The following MCTP2 variants were observed in gnomAD, a reference collection of about 807,000 sequenced individuals.
MCTP2 encodes the protein multiple C2 and transmembrane domain containing 2, also known as multiple C2 and transmembrane domain-containing protein 2.
MCTP2 carries 132 observed loss-of-function variants against 111.6 expected under a neutral mutation model. That is an observed-to-expected ratio of 1.18 (90% confidence interval 1.03 to 1.37). MCTP2 has a LOEUF of 1.37. MCTP2 is among the 40% of genes most tolerant of loss of function. MCTP2 has a pLI of 0.00. For synonymous variants in MCTP2, 395 were observed against 387.7 expected (o/e 1.02, Z -0.22); for missense variants, 1,183 against 1,067.9 (o/e 1.11, Z -1.50).
intron 10 of MCTP2, 124 bp downstream of exon 10, chr15:94,358,736 G>A (rs1017076285): frequency 1.7e-6 from 2 of 1,160,428 alleles, no homozygotes; most frequent in African/African-American, 1.6e-5. Context: ...AGTGCCATCA[G>A]TGAGCTGGAT....
chr15:94,350,404 A>G (rs2078241305), intron 8 of MCTP2, among the ~76,000 whole-genome samples: 1 of 152,228 alleles, frequency 6.6e-6, no homozygotes, highest in Non-Finnish European at 1.5e-5. Flanking sequence ...CCTCGCCAAC[A>G]TGGTGAAACC....
intron 2 of MCTP2, among the ~76,000 whole-genome samples, chr15:94,314,049 C>T (rs777477665): frequency 1.7e-4 from 26 of 152,152 alleles, no homozygotes; most frequent in Non-Finnish European, 3.1e-4. Flanking sequence ...TGCCATGTGG[C>T]CCAGCAGGGG....
intron 20 of MCTP2, among the ~76,000 whole-genome samples, chr15:94,467,425 T>TATATC (rs2073463460): frequency 3.7e-5 from 1 of 27,380 alleles, no homozygotes; most frequent in Admixed American, 3.2e-4. Context: ...TTTATTATAA[T>TATATC]AATCAAATAT....
intron 4 of MCTP2, among the ~76,000 whole-genome samples, chr15:94,320,125 AG>A (rs1259005409): frequency 1.4e-5 from 2 of 147,768 alleles, no homozygotes; most frequent in African/African-American, 5.0e-5. Context: ...ATTAGGAGGG[AG>A]AATAGTTTAT....
chr15:94,378,474 G>A (rs2079906853), intron 12 of MCTP2, among the ~76,000 whole-genome samples: 1 of 152,162 alleles, frequency 6.6e-6, no homozygotes, highest in South Asian at 2.1e-4. Flanking sequence ...AGTACCATGA[G>A]CTATGATTGC....
In MCTP2 at chr15:94,440,607, C is replaced by T. The variant is rs181731679; in HGVS notation, c.2208+309C>T. Among the ~76,000 whole-genome samples, 8 of 152,326 alleles carry T rather than the reference C, an allele frequency of 5.3e-5. No individual in the cohort carries two copies. The East Asian group carries it at 1.2e-3, about 22-fold the overall frequency. On this transcript the variant is annotated intron_variant, in intron 18 of 22. Transcript: ENST00000357742. ...CTGTAGAGTTCCTGTGAACAACCTC[C>T]TCAGTCACTAGCGAGAAACCTTTGC...
At chr15:94,352,210 T>A (rs527905609) in intron 8 of MCTP2, among the ~76,000 whole-genome samples, 3 of 152,238 alleles carry the variant, frequency 2.0e-5, no homozygotes, top group Non-Finnish European at 4.4e-5. Context: ...CTGCTGGGTA[T>A]AATTTTAGTC....
At chr15:94,447,809 A>G (rs551689246) in intron 19 of MCTP2, among the ~76,000 whole-genome samples, 1 of 152,264 alleles carries the variant, frequency 6.6e-6, no homozygotes, top group Non-Finnish European at 1.5e-5. Context: ...GCCAGAGAGT[A>G]TCTTTGAATG....
At chr15:94,251,133 C>A (rs1027510488) in intron 1 of MCTP2, among the ~76,000 whole-genome samples, 11 of 152,198 alleles carry the variant, frequency 7.2e-5, no homozygotes, top group African/African-American at 2.7e-4. Context: ...GCGAGTCAGG[C>A]TGCATTCCTG....
At chr15:94,337,455 C>T (rs2077415910) in intron 4 of MCTP2, among the ~76,000 whole-genome samples, 1 of 150,828 alleles carries the variant, frequency 6.6e-6, no homozygotes, top group African/African-American at 2.4e-5. Context: ...GTGGCAATTT[C>T]ATTTAATTAA....
intron 1 of MCTP2, among the ~76,000 whole-genome samples, chr15:94,245,371 T>A (rs897279528): frequency 1.5e-5 from 2 of 136,872 alleles, no homozygotes; most frequent in African/African-American, 2.8e-5. Context: ...TATATTTACA[T>A]ACATATGTAT....
chr15:94,296,032 ACT>A (rs1461703524), intron 1 of MCTP2, among the ~76,000 whole-genome samples: 3 of 151,776 alleles, frequency 2.0e-5, no homozygotes, highest in Non-Finnish European at 2.9e-5. Flanking sequence ...TTTTTTCAAG[ACT>A]CTGCTCTGTG....
intron 1 of MCTP2, among the ~76,000 whole-genome samples, chr15:94,265,155 A>G (rs73462015): frequency 0.026 from 4,022 of 152,316 alleles, 168 homozygotes; most frequent in African/African-American, 0.089. Flanking sequence ...AGGCCTACCT[A>G]TGAGGCAATA....
At chr15:94,439,227 A>G (rs2083643056) in intron 17 of MCTP2, among the ~76,000 whole-genome samples, 1 of 152,224 alleles carries the variant, frequency 6.6e-6, no homozygotes, top group African/African-American at 2.4e-5. Flanking sequence ...ATGTTAGAAA[A>G]AGTTTTTAGC....
chr15:94,436,211 T>A (rs942344679), intron 17 of MCTP2, among the ~76,000 whole-genome samples: 2 of 152,214 alleles, frequency 1.3e-5, no homozygotes, highest in Non-Finnish European at 2.9e-5. Context: ...AAATTTTTCA[T>A]TGGAGTTTTA....
chr15:94,448,211 C>G (rs2084235168), intron 19 of MCTP2, among the ~76,000 whole-genome samples: 1 of 152,184 alleles, frequency 6.6e-6, no homozygotes, highest in Admixed American at 6.5e-5. Context: ...TAGAAGTCAT[C>G]CAGAAATAGT....
intron 10 of MCTP2, among the ~76,000 whole-genome samples, chr15:94,363,711 T>G (rs571442766): frequency 6.6e-6 from 1 of 152,098 alleles, no homozygotes; most frequent in Non-Finnish European, 1.5e-5. Flanking sequence ...TAAATCTTGT[T>G]GTTGCAGTGG....
intron 1 of MCTP2, among the ~76,000 whole-genome samples, chr15:94,280,250 A>G (rs145437559): frequency 4.9e-4 from 74 of 151,666 alleles, no homozygotes; most frequent in Admixed American, 3.5e-3. Flanking sequence ...AGGTTTTTAA[A>G]TTTTTTTTAT....
chr15:94,298,752 CT>C (rs111833531), intron 2 of MCTP2, 22 bp downstream of exon 2: 441 of 1,459,824 alleles, frequency 3.0e-4, no homozygotes, highest in South Asian at 4.4e-4. Flanking sequence ...GCTGGGCTCT[CT>C]TTTTTTTTGT....
Sources: gnomAD v4.1 joint callset for allele counts (sites outside exome capture counted in the v4.1 genomes callset) on GRCh38, gnomAD v4.1.1 for gene constraint, MANE v1.5 for transcripts, NCBI Gene and HGNC (gene_info 2026-07-23, HGNC 2026-07-21) for gene names.